The following LNP1 variants were observed in gnomAD, a reference collection of about 807,000 sequenced individuals.
LNP1 encodes leukemia NUP98 fusion partner 1.
A neutral mutation model predicts 14.5 loss-of-function variants in LNP1; 12 were observed. That is an observed-to-expected ratio of 0.83 (90% CI 0.53 to 1.34). LNP1 has a LOEUF of 1.34. LNP1 is among the 40% of genes most tolerant of loss of function. The pLI is 0.00. For synonymous variants in LNP1, 75 were observed against 71.4 expected (o/e 1.05, Z -0.26); for missense variants, 198 against 210.9 (o/e 0.94, Z 0.38).
At chr3:100,453,590 A>T (rs1332653570) in intron 3 of LNP1, among the ~76,000 whole-genome samples, 1 of 151,866 alleles carries the variant, frequency 6.6e-6, no homozygotes, top group Non-Finnish European at 1.5e-5. Flanking sequence ...CTCTCAAAAA[A>T]AAAAAAAAAG....
intron 2 of LNP1, among the ~76,000 whole-genome samples, chr3:100,446,806 T>C (rs1707392732): frequency 6.6e-6 from 1 of 152,146 alleles, no homozygotes; most frequent in South Asian, 2.1e-4. Context: ...GAGCAGACAC[T>C]TCTCTAAAGA....
intron 1 of LNP1, among the ~76,000 whole-genome samples, chr3:100,414,439 T>C (rs1707061617): frequency 1.3e-5 from 2 of 151,608 alleles, no homozygotes; most frequent in Non-Finnish European, 2.9e-5. Context: ...CCCAGCTACT[T>C]GGGAGACCGA....
intron 2 of LNP1, among the ~76,000 whole-genome samples, chr3:100,450,671 C>T (rs1463615517): frequency 6.6e-6 from 1 of 152,166 alleles, no homozygotes; most frequent in Non-Finnish European, 1.5e-5. Flanking sequence ...AAGACAAACC[C>T]TAATTCAGTT....
intron 2 of LNP1, among the ~76,000 whole-genome samples, chr3:100,435,288 A>C (rs1707283619): frequency 6.6e-6 from 1 of 152,178 alleles, no homozygotes; most frequent in Non-Finnish European, 1.5e-5. Flanking sequence ...AGGAGTGGTC[A>C]GGAGCAAGTG....
rs902983411 is a variant in LNP1, at chr3:100,402,400, T to C, written c.-73T>C. 2.0e-5 allele frequency: 3 copies of C among 152,224 alleles called. No individual in the cohort carries two copies. Among genetic ancestry groups the C allele is most frequent in the Admixed American group, 2.0e-4 (3 of 15,282 alleles). The allele number at this position is 152,224 out of a possible 1,614,324, so 9.4% of individuals were successfully genotyped here. On this transcript the variant is annotated 5_prime_UTR_variant, in exon 1 of 4. Coordinates refer to ENST00000383693, the MANE Select transcript of LNP1 (RefSeq NM_001085451.2). ...GACTGATTAAAATAGAATGGCCTAATTGGAAAGAATTTCAGGATCACCGGT... is the reference window on the plus strand; with the variant it reads ...GACTGATTAAAATAGAATGGCCTAACTGGAAAGAATTTCAGGATCACCGGT...
chr3:100,422,800 CCTCT>C (rs1472269757), intron 1 of LNP1, among the ~76,000 whole-genome samples: 2 of 138,244 alleles, frequency 1.4e-5, no homozygotes, highest in Non-Finnish European at 3.0e-5. Flanking sequence ...TGCTTTGTCT[CCTCT>C]TTTTTTTTTT....
At chr3:100,442,132 T>C (rs1707349628) in intron 2 of LNP1, among the ~76,000 whole-genome samples, 2 of 152,226 alleles carry the variant, frequency 1.3e-5, no homozygotes, top group Admixed American at 1.3e-4. Flanking sequence ...ATTTTGGAGT[T>C]TATTTTTACA....
At chr3:100,430,196 T>C (rs1337678940) in intron 2 of LNP1, among the ~76,000 whole-genome samples, 1 of 152,208 alleles carries the variant, frequency 6.6e-6, no homozygotes, top group East Asian at 1.9e-4. Flanking sequence ...GGAAAGAAAC[T>C]TGATGCTATA....
chr3:100,416,599 TTGTGTGTGTGTGTGTGTGTG>T (rs769199967), intron 1 of LNP1, among the ~76,000 whole-genome samples: 1 of 94,620 alleles, frequency 1.1e-5, no homozygotes, highest in Non-Finnish European at 2.1e-5. Context: ...TATATCTTTT[TTGTGTGTGTGTGTGTGTGTG>T]TGTGTGTGTG....
chr3:100,416,832 G>A (rs1707089220), intron 1 of LNP1, among the ~76,000 whole-genome samples: 1 of 151,128 alleles, frequency 6.6e-6, no homozygotes, highest in East Asian at 1.9e-4. Context: ...CATCATCTAG[G>A]TTTTAAGCCC....
chr3:100,434,831 C>CTTTTTTTT (rs57009371), intron 2 of LNP1, among the ~76,000 whole-genome samples: 1 of 140,382 alleles, frequency 7.1e-6, no homozygotes, highest in African/African-American at 2.7e-5. Flanking sequence ...ACCCGGCTGT[C>CTTTTTTTT]TTTTTTTTTT....
rs1707050010 is a variant in LNP1, at chr3:100,413,514, A to T, written c.-34+11075A>T. Among the ~76,000 whole-genome samples, 4 of 152,260 alleles carry T rather than the reference A, an allele frequency of 2.6e-5. No individual in the cohort carries two copies. In the South Asian group the frequency reaches 8.3e-4, roughly 32 times the overall value. ...GTATATTTTTATGCACTCATTTCCCACCTTTCTTCCCACTCACATGGATTT... is the reference window on the plus strand; with the variant it reads ...GTATATTTTTATGCACTCATTTCCCTCCTTTCTTCCCACTCACATGGATTT... On this transcript the variant is annotated intron_variant, in intron 1 of 3. Transcript: ENST00000383693.
intron 2 of LNP1, among the ~76,000 whole-genome samples, chr3:100,442,821 T>C (rs1707356962): frequency 6.6e-6 from 1 of 152,190 alleles, no homozygotes; most frequent in African/African-American, 2.4e-5. Context: ...AAAATGAGTC[T>C]CTGGTCTCAG....
intron 2 of LNP1, among the ~76,000 whole-genome samples, chr3:100,449,294 C>T (rs573601699): frequency 7.9e-5 from 12 of 151,320 alleles, no homozygotes; most frequent in Non-Finnish European, 1.8e-4. Flanking sequence ...TAAATACATT[C>T]TTCTTTAAAA....
chr3:100,417,063 G>A (rs1189046473), intron 1 of LNP1, among the ~76,000 whole-genome samples: 1 of 151,854 alleles, frequency 6.6e-6, no homozygotes, highest in African/African-American at 2.4e-5. Flanking sequence ...TTCTAATTGT[G>A]CTGACAGTAT....
intron 1 of LNP1, among the ~76,000 whole-genome samples, chr3:100,428,567 A>G (rs973263025): frequency 6.6e-6 from 1 of 152,010 alleles, no homozygotes; most frequent in African/African-American, 2.4e-5. Flanking sequence ...ATTAGCGTAT[A>G]TGGAATACTT....
intron 1 of LNP1, among the ~76,000 whole-genome samples, chr3:100,419,253 G>A (rs1304432012): frequency 5.3e-5 from 8 of 152,138 alleles, no homozygotes; most frequent in Admixed American, 3.9e-4. Context: ...TTTTGGTCCT[G>A]TAGCTACCCA....
At chr3:100,433,628 G>A (rs142290623) in intron 2 of LNP1, among the ~76,000 whole-genome samples, 1 of 152,200 alleles carries the variant, frequency 6.6e-6, no homozygotes, top group African/African-American at 2.4e-5. Flanking sequence ...CTAGATCCTT[G>A]AGGAATCACC....
chr3:100,447,953 T>G (rs939715752), intron 2 of LNP1, among the ~76,000 whole-genome samples: 1 of 152,236 alleles, frequency 6.6e-6, no homozygotes, highest in Non-Finnish European at 1.5e-5. Context: ...AATGTTTTCC[T>G]ACAAATATAT....
Sources: allele counts gnomAD v4.1 joint callset (sites outside exome capture counted in the v4.1 genomes callset), GRCh38; gene constraint gnomAD v4.1.1; transcripts MANE v1.5; gene names NCBI Gene and HGNC (gene_info 2026-07-23, HGNC 2026-07-21).